The following RABGAP1L variants were observed in gnomAD, a reference collection of about 807,000 sequenced individuals.
RABGAP1L encodes RAB GTPase activating protein 1 like, also known as rab GTPase-activating protein 1-like.
Under a neutral mutation model 137.7 loss-of-function variants are expected in RABGAP1L, and 63 were observed. The observed-to-expected ratio is 0.46, with a 90% CI of 0.37 to 0.56. RABGAP1L has a LOEUF of 0.56. RABGAP1L is among the 20% of genes least tolerant of loss of function. RABGAP1L has a pLI of 0.00. For synonymous variants in RABGAP1L, 431 were observed against 433.7 expected (o/e 0.99, Z 0.08); for missense variants, 1,095 against 1,244.0 (o/e 0.88, Z 1.80).
chr1:174,677,167 A>AAAAAAAAAAAAT (rs1178436427), intron 14 of RABGAP1L, among the ~76,000 whole-genome samples: 1 of 151,674 alleles, frequency 6.6e-6, no homozygotes, highest in Non-Finnish European at 1.5e-5. Context: ...ACCAAAAAAA[A>AAAAAAAAAAAAT]AAAAATTATC....
chr1:174,710,057 G>C (rs1357316925), intron 17 of RABGAP1L, among the ~76,000 whole-genome samples: 1 of 152,102 alleles, frequency 6.6e-6, no homozygotes, highest in African/African-American at 2.4e-5. Flanking sequence ...GTGGAAGAAA[G>C]GATATCAGCG....
intron 4 of RABGAP1L, among the ~76,000 whole-genome samples, chr1:174,234,687 A>C (rs1322495855): frequency 1.3e-5 from 2 of 150,708 alleles, no homozygotes; most frequent in African/African-American, 4.9e-5. Context: ...GTATAGTTTG[A>C]AGTCAGGTAG....
At chr1:174,354,016 T>C (rs1683409632) in intron 11 of RABGAP1L, among the ~76,000 whole-genome samples, 1 of 152,180 alleles carries the variant, frequency 6.6e-6, no homozygotes, top group African/African-American at 2.4e-5. Flanking sequence ...ACTATCTGAT[T>C]TCATGTTGTT....
chr1:174,270,902 A>T (rs1306683987), intron 7 of RABGAP1L, among the ~76,000 whole-genome samples: 1 of 152,168 alleles, frequency 6.6e-6, no homozygotes, highest in African/African-American at 2.4e-5. Flanking sequence ...ATCTGTTCTC[A>T]TTGACCTAAT....
At chr1:174,601,025 G>A (rs1233571249) in intron 13 of RABGAP1L, among the ~76,000 whole-genome samples, 1 of 152,228 alleles carries the variant, frequency 6.6e-6, no homozygotes, top group East Asian at 1.9e-4. Context: ...TCTAGGTGGA[G>A]GTTCCCAAAC....
intron 13 of RABGAP1L, among the ~76,000 whole-genome samples, chr1:174,622,382 A>C (rs1317258259): frequency 9.2e-5 from 14 of 152,272 alleles, no homozygotes; most frequent in South Asian, 6.2e-4. Context: ...ATAAATCATG[A>C]TGGTGTAAAG....
At chr1:174,387,210 C>A (rs941793508) in intron 12 of RABGAP1L, among the ~76,000 whole-genome samples, 2 of 152,086 alleles carry the variant, frequency 1.3e-5, no homozygotes, top group Non-Finnish European at 2.9e-5. Context: ...ACTTTTTTTC[C>A]TGTAAAACAA....
intron 19 of RABGAP1L, among the ~76,000 whole-genome samples, chr1:174,873,128 G>C (rs1015370562): frequency 2.6e-5 from 4 of 152,186 alleles, no homozygotes; most frequent in African/African-American, 9.6e-5. Context: ...GAGTGCAGTG[G>C]TGCAATCTCG....
At chr1:174,842,510 A>G (rs115907502) in intron 19 of RABGAP1L, among the ~76,000 whole-genome samples, 3,135 of 152,272 alleles carry the variant, frequency 0.021, 51 homozygotes, top group Middle Eastern at 0.082. Flanking sequence ...GGCCCTTTGT[A>G]GTCCTTTACT....
At chr1:174,786,957 A>G (rs1484600217) in intron 18 of RABGAP1L, among the ~76,000 whole-genome samples, 1 of 152,226 alleles carries the variant, frequency 6.6e-6, no homozygotes, top group Non-Finnish European at 1.5e-5. Flanking sequence ...GCGAAAATGA[A>G]TATGTTGTGT....
chr1:174,828,694 CTTG>C (rs1426594039), intron 19 of RABGAP1L, among the ~76,000 whole-genome samples: 1 of 148,242 alleles, frequency 6.7e-6, no homozygotes, highest in Non-Finnish European at 1.5e-5. Context: ...AAATTAATTC[CTTG>C]TTGTAGCTAT....
chr1:174,638,747 G>A (rs1674274099), intron 14 of RABGAP1L, among the ~76,000 whole-genome samples: 1 of 146,518 alleles, frequency 6.8e-6, no homozygotes, highest in African/African-American at 2.6e-5. Context: ...GGACATGGAT[G>A]AAATTGGAAA....
At chr1:174,767,448 C>G (rs1685763457) in intron 18 of RABGAP1L, among the ~76,000 whole-genome samples, 1 of 151,810 alleles carries the variant, frequency 6.6e-6, no homozygotes, top group African/African-American at 2.4e-5. Flanking sequence ...CTGCTTGATG[C>G]TATTGTGAAT....
intron 19 of RABGAP1L, among the ~76,000 whole-genome samples, chr1:174,847,382 T>C (rs1055117773): frequency 6.6e-6 from 1 of 151,594 alleles, no homozygotes; most frequent in African/African-American, 2.4e-5. Flanking sequence ...TTCCTTTCCA[T>C]GTTTAGTGCT....
intron 13 of RABGAP1L, among the ~76,000 whole-genome samples, chr1:174,443,338 A>G (rs974384076): frequency 1.3e-5 from 2 of 151,994 alleles, no homozygotes; most frequent in Non-Finnish European, 2.9e-5. Context: ...CATTCCCCCA[A>G]TAGTGTATGA....
chr1:174,924,208 G>A (rs989553795), intron 19 of RABGAP1L, among the ~76,000 whole-genome samples: 1 of 151,864 alleles, frequency 6.6e-6, no homozygotes, highest in Non-Finnish European at 1.5e-5. Context: ...CCAACATGGT[G>A]AAACCACATC....
chr1:174,964,652 A>T (rs1422668506), intron 20 of RABGAP1L: 1 of 391,276 alleles, frequency 2.6e-6, no homozygotes, highest in Non-Finnish European at 4.0e-6. Flanking sequence ...GTAGTTCCTT[A>T]ATAGTCCCAC....
intron 19 of RABGAP1L, among the ~76,000 whole-genome samples, chr1:174,956,650 C>CT (rs749236387): frequency 0.051 from 7,122 of 139,678 alleles, 238 homozygotes; most frequent in African/African-American, 0.083. Context: ...CTCTTCTCTT[C>CT]TTTTTTTTTT....
At chr1:174,314,052 T>C (rs1446591579) in intron 11 of RABGAP1L, among the ~76,000 whole-genome samples, 1 of 152,194 alleles carries the variant, frequency 6.6e-6, no homozygotes, top group East Asian at 1.9e-4. Context: ...AAGAGTTCCC[T>C]CGTCCTCTGT....
Sources: allele counts gnomAD v4.1 joint callset (sites outside exome capture counted in the v4.1 genomes callset), GRCh38; gene constraint gnomAD v4.1.1; transcripts MANE v1.5; gene names NCBI Gene and HGNC (gene_info 2026-07-23, HGNC 2026-07-21).